UGGT1: variants seen among roughly 807,000 people sequenced by gnomAD.
UGGT1 encodes the protein UDP-glucose glycoprotein glucosyltransferase 1, also known as UDP-glucose:glycoprotein glucosyltransferase 1.
UGGT1 carries 107 observed loss-of-function variants against 203.9 expected under a neutral mutation model. The observed-to-expected ratio is 0.52, with a 90% CI of 0.45 to 0.62. The LOEUF (loss-of-function observed/expected upper bound fraction) is 0.62, where lower values mean the gene tolerates loss of function less well. Ranked by LOEUF, UGGT1 falls within the 20% of genes least tolerant of loss-of-function variation. UGGT1 has a pLI of 0.00. For synonymous variants in UGGT1, 628 were observed against 653.5 expected, an observed-to-expected ratio of 0.96 and a Z score of 0.59; for missense variants, 1,673 against 1,867.2, an observed-to-expected ratio of 0.90 and a Z score of 1.92.
intron 19 of UGGT1, 82 bp from the exon 20 acceptor site, chr2:128,155,407 A>G (rs1358005450): frequency 2.9e-6 from 3 of 1,023,224 alleles, no homozygotes; most frequent in Admixed American, 2.2e-5. Flanking sequence ...ATCTTATATT[A>G]TGATCAAGTC....
At chr2:128,160,313 G>T in intron 23 of UGGT1, 147 bp from the exon 24 acceptor site, 1 of 780,200 alleles carries the variant, frequency 1.3e-6, no homozygotes, top group Non-Finnish European at 1.9e-6. Context: ...GGGGAGACTG[G>T]AGAATTGACA....
In UGGT1 at chr2:128,192,164, T is replaced by TA. The variant is rs1692294622; in HGVS notation, c.*2423dup. On this transcript the variant is annotated 3_prime_UTR_variant, in exon 41 of 41. Transcript: ENST00000259253. ...TGTCCTGGTGTCACTCATTGCCTCT[T>TA]ATCTGTCGCCATTCTAATATAAGTC... 1 of 152,206 alleles carries TA rather than the reference T, an allele frequency of 6.6e-6. No individual in the cohort carries two copies. Among genetic ancestry groups the TA allele is most frequent in the Admixed American group, 6.6e-5 (1 of 15,266 alleles). 9.4% of individuals were successfully genotyped at this position (152,206 alleles called of 1,614,324 possible).
rs756820886 is a variant in UGGT1 at position 128,155,585 on chromosome 2, A to G, written c.2234A>G (p.Lys745Arg). The change falls in exon 20 of 41, where the codon AAA becomes AGA. Residue 745 changes from lysine to arginine, a missense_variant and splice_region_variant. By Grantham distance (26) the Lys-to-Arg change is conservative. Coordinates refer to ENST00000259253, the MANE Select transcript of UGGT1 (RefSeq NM_020120.4). ...VANSMNYLTK[K>R]GMSSKEIYDD... is the part of the protein sequence containing the mutation. ...AATAGTATGAACTATCTGACAAAGA[A>G]AGGTAATCCATTTGAGGCTTATTAT... 3.7e-6 allele frequency: 6 copies of G among 1,609,826 alleles called. No individual in the cohort carries two copies. Among genetic ancestry groups the G allele is most frequent in the Non-Finnish European group, 5.1e-6 (6 of 1,178,444 alleles).
rs76089929 is a variant in UGGT1, at chr2:128,123,915, T to C, written c.1134+669T>C. On this transcript the variant is annotated intron_variant, in intron 11 of 40. Coordinates refer to ENST00000259253, the MANE Select transcript of UGGT1 (RefSeq NM_020120.4). ...TGAGAAAAGTTGCCTGGGAGGCAAA[T>C]TTGAAATTCTGAGAAATCAACTTTC... Among the ~76,000 whole-genome samples the C allele has an allele frequency of 3.7e-3, 563 of 152,308 alleles. 6 individuals are homozygous for C. The highest frequency in any genetic ancestry group is 0.012 in the African/African-American group (503 of 41,574).
At chr2:128,157,039 A>G (rs983873836) in intron 21 of UGGT1, among the ~76,000 whole-genome samples, 1 of 152,206 alleles carries the variant, frequency 6.6e-6, no homozygotes, top group Admixed American at 6.5e-5. Flanking sequence ...TAATCAGTGC[A>G]TGTTCCTAGT....
chr2:128,157,116 A>G (rs548116282), intron 21 of UGGT1, 136 bp from the exon 22 acceptor site: 5 of 660,900 alleles, frequency 7.6e-6, no homozygotes, highest in South Asian at 5.8e-5. Flanking sequence ...TTTTTCTTCT[A>G]TCTTTATTAA....
chr2:128,181,103 T>C (rs1324098229), intron 36 of UGGT1, 31 bp downstream of exon 36: 1 of 1,587,660 alleles, frequency 6.3e-7, no homozygotes, highest in Non-Finnish European at 8.6e-7. Context: ...TTTTGACAGT[T>C]TGTATTAAAA....
intron 25 of UGGT1, 72 bp downstream of exon 25, chr2:128,161,340 A>G (rs1368013946): frequency 1.9e-6 from 3 of 1,549,506 alleles, no homozygotes. Flanking sequence ...TTAGAATTAT[A>G]TGTTGTTACT....
At chr2:128,159,950 A>G (rs1280917414) in intron 23 of UGGT1, among the ~76,000 whole-genome samples, 1 of 152,062 alleles carries the variant, frequency 6.6e-6, no homozygotes, top group East Asian at 1.9e-4. Context: ...GCCATTTGTT[A>G]TGCACAGTTT....
At chr2:128,131,902 C>T (rs1303983977) in intron 13 of UGGT1, among the ~76,000 whole-genome samples, 3 of 152,114 alleles carry the variant, frequency 2.0e-5, no homozygotes, top group African/African-American at 7.2e-5. Flanking sequence ...GCTGGGATTA[C>T]AGGCGTGAGC....
At position 128,109,724 on chromosome 2, in the gene UGGT1, C is replaced by T. The variant is rs1687764544; in HGVS notation, c.499C>T (p.Leu167Phe). ...KTCESDTLEALLLTASERPKP... is the reference protein window; with the variant it reads ...KTCESDTLEAFLLTASERPKP... ...TTGTGAATCTGATACCCTTGAGGCT[C>T]TTCTACTGACAGCCTCTGAAAGGTA... The change falls in exon 5 of 41, where the codon CTT (leucine) becomes TTT (phenylalanine). Residue 167 changes from leucine to phenylalanine, a missense_variant. By Grantham distance (22) the Leu-to-Phe change is conservative. Coordinates refer to ENST00000259253, the MANE Select transcript of UGGT1 (RefSeq NM_020120.4). The T allele has an allele frequency of 8.7e-6, 14 of 1,613,572 alleles. No homozygotes were observed. Among genetic ancestry groups the T allele is most frequent in the Non-Finnish European group, 1.2e-5 (14 of 1,179,618 alleles).
Position 128,108,066 on chromosome 2 carries a change from C to T in UGGT1, c.406C>T (p.Gln136Ter), listed in dbSNP as rs759541783. 1 of 1,614,062 alleles carries T rather than the reference C, an allele frequency of 6.2e-7. No individual in the cohort carries two copies. The highest frequency in any genetic ancestry group is 8.5e-7 in the Non-Finnish European group (1 of 1,179,976). The change falls in exon 4 of 41, where the codon CAG becomes TAG. Residue 136 changes from glutamine (Q) to a stop codon, truncating the protein, a stop_gained and splice_region_variant. Transcript: ENST00000259253. LOFTEE classifies it high-confidence loss of function. Reference protein sequence around the residue: ...SYSATIQAFQQIAADEPPPEG... With the variant: ...SYSATIQAFQ Reference sequence around the variant, plus strand: ...CTCAGCTACAATCCAAGCCTTCCAGCAGGTGGGTCCAGTGCTCTTAAAGAA... The same window carrying T: ...CTCAGCTACAATCCAAGCCTTCCAGTAGGTGGGTCCAGTGCTCTTAAAGAA...
At chr2:128,098,600 A>C (rs1404659769) in intron 2 of UGGT1, among the ~76,000 whole-genome samples, 1 of 152,086 alleles carries the variant, frequency 6.6e-6, no homozygotes, top group Non-Finnish European at 1.5e-5. Context: ...TCCAGAAAAA[A>C]ATAGCTGAGT....
chr2:128,106,840 G>A (rs991127666), intron 3 of UGGT1, among the ~76,000 whole-genome samples: 10 of 152,082 alleles, frequency 6.6e-5, no homozygotes, highest in African/African-American at 2.4e-4. Context: ...ATGAGCCACC[G>A]TGCCCTGCCT....
intron 22 of UGGT1, 146 bp from the exon 23 acceptor site, chr2:128,159,368 G>A (rs1690406845): frequency 1.4e-6 from 1 of 716,792 alleles, no homozygotes; most frequent in African/African-American, 1.8e-5. Flanking sequence ...CAAAGTGCTG[G>A]GATTACAGGC....
intron 7 of UGGT1, among the ~76,000 whole-genome samples, chr2:128,116,005 G>A (rs371560420): frequency 6.6e-6 from 1 of 151,744 alleles, no homozygotes; most frequent in Non-Finnish European, 1.5e-5. Context: ...GAAGTTTTTA[G>A]CATGTAAAAT....
chr2:128,172,550 A>G, intron 28 of UGGT1, 23 bp from the exon 29 acceptor site: 1 of 1,612,646 alleles, frequency 6.2e-7, no homozygotes, highest in Non-Finnish European at 8.5e-7. Flanking sequence ...AAAATTATCT[A>G]ACACTTTCCT....
At chr2:128,160,399 ATTTG>A in intron 23 of UGGT1, 57 bp from the exon 24 acceptor site, 3 of 1,499,678 alleles carry the variant, frequency 2.0e-6, no homozygotes, top group Non-Finnish European at 2.7e-6. Context: ...CACTGTGTTT[ATTTG>A]TTTATATGGT....
At position 128,134,965 on chromosome 2, in the gene UGGT1, A is replaced by G. The variant is rs377179645; in HGVS notation, c.1583+4A>G. On this transcript the variant is annotated splice_donor_region_variant and intron_variant, in intron 15 of 40. Transcript: ENST00000259253. ...TTAGTAATCATATACCACTAAGGTA[A>G]CACTGGTATTGATTTGATGATGTAT... 7 of 1,607,450 alleles carry G rather than the reference A, an allele frequency of 4.4e-6. No individual in the cohort carries two copies. The African/African-American group carries it at 9.3e-5, about 21-fold the overall frequency.
Sources: gnomAD v4.1 joint callset for allele counts (sites outside exome capture counted in the v4.1 genomes callset) on GRCh38, gnomAD v4.1.1 for gene constraint, MANE v1.5 for transcripts, NCBI Gene and HGNC (gene_info 2026-07-23, HGNC 2026-07-21) for gene names.